The following ASTN2 variants were observed in gnomAD, a reference collection of about 807,000 sequenced individuals.
ASTN2 encodes astrotactin 2, also known as astrotactin-2.
Under a neutral mutation model 139.8 loss-of-function variants are expected in ASTN2, and 54 were observed. The ratio of observed to expected loss-of-function variants is 0.39; its 90% CI spans 0.31 to 0.48. ASTN2 has a LOEUF of 0.48. ASTN2 is among the 20% of genes least tolerant of loss of function. ASTN2 has a pLI of 0.95. For synonymous variants in ASTN2, 756 were observed against 719.5 expected (o/e 1.05, Z -0.81); for missense variants, 1,565 against 1,725.1 (o/e 0.91, Z 1.64).
rs772753984 is a variant in ASTN2, at chr9:116,729,025, G to T, written c.2593C>A (p.Arg865Ser). 13 of 1,584,218 alleles carry T rather than the reference G, an allele frequency of 8.2e-6. No homozygotes were observed. The highest frequency in any genetic ancestry group is 8.0e-5 in the South Asian group (7 of 86,994). Reference sequence around the variant, plus strand: ...AGGGTGATGGTGCTGAGCTTCACACGGTAGAGGTTGCTCCGGACCCGCCAC... The same window carrying T: ...AGGGTGATGGTGCTGAGCTTCACACTGTAGAGGTTGCTCCGGACCCGCCAC... The part of the protein sequence containing the change: ...QQWRVRSNLY[R>S]VKLSTITLAA... The change falls in exon 15 of 23, where the codon CGT (arginine) becomes AGT (serine). Residue 865 changes from arginine (R) to serine (S), a missense_variant. Arg to Ser is a moderately radical substitution (Grantham distance 110). Transcript: ENST00000313400.
chr9:116,425,361 C>G lies in ASTN2; in HGVS notation c.*490G>C. On this transcript the variant is annotated 3_prime_UTR_variant, in exon 23 of 23. Coordinates refer to ENST00000313400, the MANE Select transcript of ASTN2 (RefSeq NM_001365068.1). ...AAAAGAGAGAGAAGTCCTTAAAGAC[C>G]CATGCTTCCTCACTGCAACCATCCT... 1.7e-6 allele frequency: 1 copy of G among 589,216 alleles called. No individual in the cohort carries two copies. The highest frequency in any genetic ancestry group is 2.3e-5 in the South Asian group (1 of 44,294). The allele number at this position is 589,216 out of a possible 1,614,324, so 36.5% of individuals were successfully genotyped here.
chr9:116,428,662 G>C (rs1847389118), intron 22 of ASTN2, among the ~76,000 whole-genome samples: 1 of 152,154 alleles, frequency 6.6e-6, no homozygotes, highest in South Asian at 2.1e-4. Flanking sequence ...TTGAAGCCTA[G>C]GAACTAGGGC....
intron 21 of ASTN2, among the ~76,000 whole-genome samples, chr9:116,441,060 A>G (rs1003173858): frequency 2.0e-5 from 3 of 152,220 alleles, no homozygotes; most frequent in African/African-American, 4.8e-5. Context: ...AGGGTCTGGC[A>G]CAAAGTTAGT....
intron 3 of ASTN2, among the ~76,000 whole-genome samples, chr9:117,173,647 T>TA (rs919524284): frequency 6.6e-6 from 1 of 151,688 alleles, no homozygotes; most frequent in Non-Finnish European, 1.5e-5. Context: ...AACAAAATAA[T>TA]AAAAAAATAG....
intron 2 of ASTN2, among the ~76,000 whole-genome samples, chr9:117,224,901 C>T (rs913949156): frequency 6.6e-6 from 1 of 152,156 alleles, no homozygotes; most frequent in Non-Finnish European, 1.5e-5. Flanking sequence ...TTTTGTCTGC[C>T]AGAGCATGCC....
intron 3 of ASTN2, among the ~76,000 whole-genome samples, chr9:117,169,476 T>C (rs1484261453): frequency 1.3e-5 from 2 of 152,182 alleles, no homozygotes; most frequent in African/African-American, 4.8e-5. Flanking sequence ...TTAGCTTTCA[T>C]TTGCTTATGA....
At chr9:116,649,833 A>AT (rs1857809446) in intron 17 of ASTN2, among the ~76,000 whole-genome samples, 2 of 152,250 alleles carry the variant, frequency 1.3e-5, no homozygotes, top group African/African-American at 4.8e-5. Flanking sequence ...CATGGCCCAC[A>AT]GGATAGGGTC....
chr9:117,165,738 G>T (rs1830656589), intron 3 of ASTN2, among the ~76,000 whole-genome samples: 1 of 152,052 alleles, frequency 6.6e-6, no homozygotes, highest in African/African-American at 2.4e-5. Flanking sequence ...TCAGCTGTGA[G>T]TTACGGAGCA....
Position 116,595,197 on chromosome 9 carries a change from T to A in ASTN2, c.3355+23127A>T, listed in dbSNP as rs533179892. On this transcript the variant is annotated intron_variant, in intron 19 of 22. Coordinates refer to ENST00000313400, the MANE Select transcript of ASTN2 (RefSeq NM_001365068.1). ...GATGATTATATAGGATAACTTGGCATCTAGGTGTTCAATAAATGCTGACTA... is the reference window on the plus strand; with the variant it reads ...GATGATTATATAGGATAACTTGGCAACTAGGTGTTCAATAAATGCTGACTA... Among the ~76,000 whole-genome samples, 7 of 152,364 alleles carry A rather than the reference T, an allele frequency of 4.6e-5. No individual in the cohort carries two copies. The South Asian group carries it at 1.0e-3, about 23-fold the overall frequency.
At chr9:116,766,064 G>C (rs1177168677) in intron 13 of ASTN2, among the ~76,000 whole-genome samples, 2 of 152,022 alleles carry the variant, frequency 1.3e-5, no homozygotes, top group African/African-American at 2.4e-5. Flanking sequence ...ATGTATCTAA[G>C]GTGTTTAAAA....
chr9:116,806,514 G>A (rs1831033710), intron 12 of ASTN2, among the ~76,000 whole-genome samples: 1 of 152,206 alleles, frequency 6.6e-6, no homozygotes, highest in African/African-American at 2.4e-5. Flanking sequence ...CTCAGCCCCT[G>A]AAAAATCATT....
chr9:116,869,395 A>G (rs1307862705), intron 10 of ASTN2, among the ~76,000 whole-genome samples: 1 of 152,190 alleles, frequency 6.6e-6, no homozygotes, highest in African/African-American at 2.4e-5. Flanking sequence ...ATGGTAGGAC[A>G]GAGCCAGGAC....
chr9:116,531,900 C>A (rs1346376973), intron 19 of ASTN2, among the ~76,000 whole-genome samples: 1 of 152,134 alleles, frequency 6.6e-6, no homozygotes, highest in Non-Finnish European at 1.5e-5. Context: ...ATGGCTGGGT[C>A]AAATGGTATT....
At chr9:117,070,800 A>G (rs1458801380) in intron 5 of ASTN2, among the ~76,000 whole-genome samples, 1 of 151,766 alleles carries the variant, frequency 6.6e-6, no homozygotes, top group Non-Finnish European at 1.5e-5. Flanking sequence ...AGTTGATCGC[A>G]TCGGCTCCTG....
chr9:116,940,398 C>G (rs1205119437), intron 10 of ASTN2, among the ~76,000 whole-genome samples: 1 of 152,136 alleles, frequency 6.6e-6, no homozygotes, highest in Non-Finnish European at 1.5e-5. Context: ...TAGGAGATGA[C>G]AGCTCCATGT....
In ASTN2 at chr9:117,130,576, C is replaced by T. The variant is rs149308124; in HGVS notation, c.1168+10750G>A. Among the ~76,000 whole-genome samples the T allele has an allele frequency of 6.8e-3, 1,036 of 152,192 alleles. 11 individuals carry two copies. The highest frequency in any genetic ancestry group is 0.024 in the African/African-American group (977 of 41,512). ...AAGCCCGGGGGGCTTCCTTTCTTTA[C>T]TTTTGGGATGAATCTTAATTTTTTA... is the stretch of plus-strand genomic sequence containing the variant. On this transcript the variant is annotated intron_variant, in intron 4 of 22. Transcript: ENST00000313400.
intron 19 of ASTN2, among the ~76,000 whole-genome samples, chr9:116,609,005 T>C (rs1036260259): frequency 3.9e-5 from 6 of 152,222 alleles, no homozygotes; most frequent in South Asian, 2.1e-4. Context: ...ACAGAAGGCA[T>C]TGAAGACATG....
At chr9:116,886,697 T>C (rs1281597064) in intron 10 of ASTN2, among the ~76,000 whole-genome samples, 1 of 151,864 alleles carries the variant, frequency 6.6e-6, no homozygotes. Flanking sequence ...TTTTGTTTTT[T>C]AGTGGGGATA....
intron 10 of ASTN2, among the ~76,000 whole-genome samples, chr9:116,921,586 TAAAA>T (rs11371651): frequency 1.8e-5 from 2 of 112,958 alleles, no homozygotes; most frequent in Non-Finnish European, 1.7e-5. Context: ...AGACTCCGTC[TAAAA>T]AAAAAAAAAA....
Sources: gnomAD v4.1 joint callset for allele counts (sites outside exome capture counted in the v4.1 genomes callset) on GRCh38, gnomAD v4.1.1 for gene constraint, MANE v1.5 for transcripts, NCBI Gene and HGNC (gene_info 2026-07-23, HGNC 2026-07-21) for gene names.